The following IL1RL1 variants were observed in gnomAD, a reference collection of about 807,000 sequenced individuals.
IL1RL1 encodes interleukin-1 receptor-like 1.
IL1RL1 carries 32 observed loss-of-function variants against 50.9 expected under a neutral mutation model. That is an observed-to-expected ratio of 0.63 (90% CI 0.47 to 0.84). The LOEUF is 0.84. Among genes scored for constraint, IL1RL1 ranks in the 40% least tolerant of loss-of-function variants. The pLI is 0.00. For synonymous variants in IL1RL1, 275 were observed against 236.0 expected (o/e 1.17, Z -1.51); for missense variants, 773 against 662.9 (o/e 1.17, Z -1.82).
intron 1 of IL1RL1, among the ~76,000 whole-genome samples, chr2:102,332,200 G>T (rs1677195974): frequency 6.6e-6 from 1 of 152,116 alleles, no homozygotes; most frequent in African/African-American, 2.4e-5. Flanking sequence ...TATTCCAATG[G>T]ATAAAACAGA....
chr2:102,347,447 C>T (rs1573162188), intron 8 of IL1RL1, among the ~76,000 whole-genome samples: 1 of 152,218 alleles, frequency 6.6e-6, no homozygotes, highest in African/African-American at 2.4e-5. Context: ...ACCAAACTTT[C>T]TAATCATATC....
intron 1 of IL1RL1, among the ~76,000 whole-genome samples, chr2:102,333,203 G>A (rs1677221908): frequency 6.6e-6 from 1 of 152,112 alleles, no homozygotes; most frequent in South Asian, 2.1e-4. Context: ...ACTTAAGAGG[G>A]TACAAGTGGA....
chr2:102,332,846 A>AG (rs34039178), intron 1 of IL1RL1, among the ~76,000 whole-genome samples: 1 of 41,914 alleles, frequency 2.4e-5, no homozygotes, highest in Non-Finnish European at 6.5e-5. Flanking sequence ...AATCAGAAGC[A>AG]AAAAAAGAAC....
intron 1 of IL1RL1, among the ~76,000 whole-genome samples, chr2:102,325,511 T>C (rs1268613955): frequency 6.6e-6 from 1 of 152,238 alleles, no homozygotes; most frequent in East Asian, 1.9e-4. Flanking sequence ...AGAATGACTT[T>C]GACGAGTTGA....
intron 1 of IL1RL1, among the ~76,000 whole-genome samples, chr2:102,326,047 T>G (rs914171350): frequency 3.3e-5 from 5 of 152,040 alleles, no homozygotes; most frequent in Non-Finnish European, 5.9e-5. Context: ...AGACACATAA[T>G]TGTCAGATTC....
chr2:102,352,257 A>G (rs1261361166), downstream of IL1RL1, among the ~76,000 whole-genome samples: 1 of 149,576 alleles, frequency 6.7e-6, no homozygotes, highest in Non-Finnish European at 1.5e-5. Context: ...CAATAATCTG[A>G]ATAGCAAACT....
At position 102,313,437 on chromosome 2, in the gene IL1RL1, G is replaced by A. The variant is rs190392706; in HGVS notation, c.-150+1814G>A. 14 of 152,292 alleles carry A rather than the reference G, an allele frequency of 9.2e-5. No individual in the cohort carries two copies. In the East Asian group the frequency reaches 2.7e-3, roughly 29 times the overall value. The allele number at this position is 152,292 out of a possible 1,614,324, so 9.4% of individuals were successfully genotyped here. A position where few individuals can be genotyped will look rare whatever the true frequency, so the allele number is the denominator to read the frequency against. On this transcript the variant is annotated intron_variant, in intron 1 of 10. Coordinates refer to ENST00000233954, the MANE Select transcript of IL1RL1 (RefSeq NM_016232.5). ...CTCTGTTCTTGAATGCGTTGTTTAG[G>A]TGAGGAGATTGATTCCAAGTTACTT...
intron 1 of IL1RL1, among the ~76,000 whole-genome samples, chr2:102,331,762 G>T (rs1420172146): frequency 2.6e-5 from 4 of 152,154 alleles, no homozygotes. Flanking sequence ...CATCTGTACT[G>T]GTTCATTCAA....
At chr2:102,332,133 A>G (rs1410709540) in intron 1 of IL1RL1, among the ~76,000 whole-genome samples, 1 of 152,212 alleles carries the variant, frequency 6.6e-6, no homozygotes, top group Non-Finnish European at 1.5e-5. Flanking sequence ...TCTTCCAGGC[A>G]CATGAGCTAT....
At chr2:102,333,396 A>G (rs1242449540) in intron 1 of IL1RL1, among the ~76,000 whole-genome samples, 2 of 152,158 alleles carry the variant, frequency 1.3e-5, no homozygotes, top group Non-Finnish European at 2.9e-5. Flanking sequence ...AAGAGTCAAT[A>G]ATAAATGGAG....
chr2:102,323,277 T>TATATATATATATATATA (rs1559596439), intron 1 of IL1RL1, among the ~76,000 whole-genome samples: 1 of 33,874 alleles, frequency 3.0e-5, no homozygotes, highest in African/African-American at 1.1e-4. Flanking sequence ...ATATATAGTG[T>TATATATATATATATATA]GTGTGTGTGT....
At position 102,343,303 on chromosome 2, in the gene IL1RL1, T is replaced by A; in HGVS notation, c.858T>A (p.Val286=). 6.2e-7 allele frequency: 1 copy of A among 1,614,186 alleles called. No homozygotes were observed. The highest frequency in any genetic ancestry group is 1.1e-5 in the South Asian group (1 of 91,082). ...FSNGLACLDM[V]LRIADVKEED... ...ATGGGCTGGCTTGTCTAGACATGGTTTTAAGAATAGCTGACGTGAAGGAAG... is the reference window on the plus strand; with the variant it reads ...ATGGGCTGGCTTGTCTAGACATGGTATTAAGAATAGCTGACGTGAAGGAAG... The change falls in exon 8 of 11, where the codon GTT becomes GTA. Residue 286 remains valine (V), a synonymous_variant. Coordinates refer to ENST00000233954, the MANE Select transcript of IL1RL1 (RefSeq NM_016232.5).
intron 1 of IL1RL1, among the ~76,000 whole-genome samples, chr2:102,332,456 G>A (rs1163558750): frequency 1.3e-5 from 2 of 152,124 alleles, no homozygotes; most frequent in Non-Finnish European, 2.9e-5. Flanking sequence ...CACACACAGT[G>A]GAATATTATT....
intron 8 of IL1RL1, chr2:102,344,562 T>G (rs763878809): frequency 2.5e-4 from 50 of 203,852 alleles, no homozygotes; most frequent in Non-Finnish European, 3.9e-4. Context: ...CTGGTCACAT[T>G]GCCTTACCTA....
intron 1 of IL1RL1, chr2:102,312,921 CGGAGG>C (rs1325209131): frequency 6.6e-6 from 1 of 152,072 alleles, no homozygotes; most frequent in Admixed American, 6.6e-5. Flanking sequence ...ATAAGGAAAT[CGGAGG>C]CATGTTTCTG....
rs1283870575 is a variant in IL1RL1 at position 102,343,051 on chromosome 2, T to C, written c.698T>C (p.Leu233Pro). 2.5e-6 allele frequency: 4 copies of C among 1,613,874 alleles called. No individual in the cohort carries two copies. The highest frequency in any genetic ancestry group is 3.4e-6 in the Non-Finnish European group (4 of 1,179,974). Reference protein sequence around the residue: ...KEVEIGKNANLTCSACFGKGT... With the variant: ...KEVEIGKNANPTCSACFGKGT... ...TCCCCTCTAGGAAAAAACGCAAACC[T>C]AACTTGCTCTGCTTGTTTTGGAAAA... The change falls in exon 7 of 11, where the codon CTA becomes CCA. Residue 233 changes from leucine to proline, a missense_variant. By Grantham distance (98) the Leu-to-Pro change is moderately conservative (BLOSUM62 -3). Coordinates refer to ENST00000233954, the MANE Select transcript of IL1RL1 (RefSeq NM_016232.5).
At chr2:102,329,562 A>T (rs1439365236) in intron 1 of IL1RL1, among the ~76,000 whole-genome samples, 4 of 152,160 alleles carry the variant, frequency 2.6e-5, no homozygotes, top group Non-Finnish European at 5.9e-5. Flanking sequence ...AACTTACAGA[A>T]TGGGAGAAAA....
At chr2:102,336,730 C>T (rs1360259002) in intron 1 of IL1RL1, among the ~76,000 whole-genome samples, 2 of 151,970 alleles carry the variant, frequency 1.3e-5, no homozygotes, top group Non-Finnish European at 2.9e-5. Flanking sequence ...CCTACTGGGA[C>T]TTAAATCCAA....
At chr2:102,317,570 TA>T (rs973211898) in intron 1 of IL1RL1, among the ~76,000 whole-genome samples, 5 of 152,172 alleles carry the variant, frequency 3.3e-5, no homozygotes, top group African/African-American at 1.2e-4. Context: ...CAATTTGTGA[TA>T]TTTTTTTCAC....
Sources: allele counts gnomAD v4.1 joint callset (sites outside exome capture counted in the v4.1 genomes callset), GRCh38; gene constraint gnomAD v4.1.1; transcripts MANE v1.5; gene names NCBI Gene and HGNC (gene_info 2026-07-23, HGNC 2026-07-21).